KIF13B: variants seen among roughly 807,000 people sequenced by gnomAD.
KIF13B encodes kinesin-like protein KIF13B.
Under a neutral mutation model 222.0 loss-of-function variants are expected in KIF13B, and 127 were observed. That is an observed-to-expected ratio of 0.57 (90% CI 0.50 to 0.66). KIF13B has a LOEUF of 0.66. Ranked by LOEUF, KIF13B falls within the 30% of genes least tolerant of loss-of-function variation. The pLI is 0.00. For synonymous variants in KIF13B, 976 were observed against 919.0 expected (o/e 1.06, Z -1.12); for missense variants, 2,173 against 2,379.0 (o/e 0.91, Z 1.80).
At chr8:29,076,783 C>T (rs895459580) in intron 37 of KIF13B, among the ~76,000 whole-genome samples, 2 of 152,066 alleles carry the variant, frequency 1.3e-5, no homozygotes, top group African/African-American at 2.4e-5. Flanking sequence ...GGAGAGGACT[C>T]GAGAGGAAAC....
chr8:29,077,439 G>A (rs1185478190), intron 37 of KIF13B, among the ~76,000 whole-genome samples: 2 of 152,164 alleles, frequency 1.3e-5, no homozygotes, highest in East Asian at 3.8e-4. Flanking sequence ...GGTGTTCAAG[G>A]GTATATTTCA....
intron 19 of KIF13B, among the ~76,000 whole-genome samples, chr8:29,141,046 G>A (rs1810795010): frequency 6.6e-6 from 1 of 152,138 alleles, no homozygotes. Context: ...AGATAAAACT[G>A]CTGCTAATAA....
intron 2 of KIF13B, among the ~76,000 whole-genome samples, chr8:29,244,680 C>G (rs1278761509): frequency 6.6e-6 from 1 of 152,224 alleles, no homozygotes; most frequent in Non-Finnish European, 1.5e-5. Flanking sequence ...AGCTTATTTA[C>G]AGTCCTCCAT....
intron 23 of KIF13B, among the ~76,000 whole-genome samples, chr8:29,131,384 GTAGA>G (rs1181381056): frequency 6.6e-6 from 1 of 151,164 alleles, no homozygotes; most frequent in African/African-American, 2.4e-5. Context: ...TTGTCTTTTC[GTAGA>G]TAGACAAAGG....
intron 19 of KIF13B, chr8:29,140,863 C>T (rs565425715): frequency 2.7e-6 from 1 of 371,690 alleles, no homozygotes; most frequent in East Asian, 4.2e-5. Context: ...AGAGCGATCC[C>T]AGTAACAGGT....
At chr8:29,231,425 C>T (rs1434704383) in intron 2 of KIF13B, among the ~76,000 whole-genome samples, 1 of 152,138 alleles carries the variant, frequency 6.6e-6, no homozygotes, top group East Asian at 1.9e-4. Flanking sequence ...ACCCAATCCC[C>T]CAAAGAAGAG....
Position 29,249,427 on chromosome 8 carries a change from C to CT in KIF13B, c.56-3989dup, listed in dbSNP as rs200948307. Reference sequence around the variant, plus strand: ...CCTGGGCGACAGAGCAAGACTCCGTCTTTAAAAAAAAAAAAAAAAAAAAAA... The same window carrying CT: ...CCTGGGCGACAGAGCAAGACTCCGTCTTTTAAAAAAAAAAAAAAAAAAAAAA... On this transcript the variant is annotated intron_variant, in intron 1 of 39. Transcript: ENST00000524189. Among the ~76,000 whole-genome samples the CT allele has an allele frequency of 3.1e-4, 31 of 99,052 alleles. 4 individuals are homozygous for CT. In the East Asian group the frequency reaches 3.2e-3, roughly 10 times the overall value. The allele number at this position is 99,052 out of a possible 152,430, so 65.0% of individuals were successfully genotyped here.
At chr8:29,135,222 T>G (rs898160283) in intron 21 of KIF13B, among the ~76,000 whole-genome samples, 1 of 152,104 alleles carries the variant, frequency 6.6e-6, no homozygotes, top group African/African-American at 2.4e-5. Flanking sequence ...TTTTTTTATT[T>G]TTAGTAGAGA....
intron 2 of KIF13B, among the ~76,000 whole-genome samples, chr8:29,230,153 G>C (rs1333554025): frequency 6.6e-6 from 1 of 152,052 alleles, no homozygotes; most frequent in Non-Finnish European, 1.5e-5. Context: ...TCATAGAAAA[G>C]GAAACAGAGG....
chr8:29,222,563 CAG>C (rs1224177335), intron 2 of KIF13B, among the ~76,000 whole-genome samples: 1 of 95,902 alleles, frequency 1.0e-5, no homozygotes, highest in Admixed American at 1.7e-4. Context: ...TTTGTAGAGA[CAG>C]GGTGTCACTA....
In KIF13B at chr8:29,146,425, T is replaced by C; in HGVS notation, c.2140A>G (p.Lys714Glu). The change falls in exon 18 of 40, where the codon AAA becomes GAA. Residue 714 changes from lysine to glutamate, a missense_variant. Physicochemically the swap from Lys to Glu is moderately conservative, Grantham distance 56 (BLOSUM62 1). Around this residue, in one of 2 missense-constraint regions of KIF13B, gnomAD observed 1,480 missense variants for 1,722.8 expected, o/e 0.86. Transcript: ENST00000524189. ...AEELDKRTEYKVTLQIPASSL... is the reference protein window; with the variant it reads ...AEELDKRTEYEVTLQIPASSL... ...GAGGCTGGAATCTGTAGGGTAACTT[T>C]GTATTCTGTTCTTTTATCCAGCTCC... 1 of 1,613,994 alleles carries C rather than the reference T, an allele frequency of 6.2e-7. No homozygotes were observed. The highest frequency in any genetic ancestry group is 1.1e-5 in the South Asian group (1 of 91,074).
rs1812524130 is a variant in KIF13B at position 29,177,332 on chromosome 8, C to T, written c.833+134G>A. The T allele has an allele frequency of 7.7e-6, 5 of 647,220 alleles. No individual in the cohort carries two copies. In the East Asian group the frequency reaches 1.4e-4, roughly 18 times the overall value. The allele number at this position is 647,220 out of a possible 1,614,324, so 40.1% of individuals were successfully genotyped here. A position where few individuals can be genotyped will look rare whatever the true frequency, so the allele number is the denominator to read the frequency against. On this transcript the variant is annotated intron_variant, in intron 9 of 39. Transcript: ENST00000524189. Reference sequence around the variant, plus strand: ...GCCCCATCAGGCATCTCAACAAAACCTAAAATGGGCCCAGGCCCATTGAAA... The same window carrying T: ...GCCCCATCAGGCATCTCAACAAAACTTAAAATGGGCCCAGGCCCATTGAAA...
At position 29,176,088 on chromosome 8, in the gene KIF13B, C is replaced by A; in HGVS notation, c.925G>T (p.Val309Phe). ...KNKFVPYRDS[V>F]LTWLLKDSLG... Reference sequence around the variant, plus strand: ...CTTACTTTGAGCAGCCAAGTGAGAACTGAGTCACGATATGGAACAAATTTA... The same window carrying A: ...CTTACTTTGAGCAGCCAAGTGAGAAATGAGTCACGATATGGAACAAATTTA... The change falls in exon 10 of 40, where the codon GTT becomes TTT. Residue 309 changes from valine (V) to phenylalanine (F), a missense_variant. This residue lies in a region of KIF13B where 1,480 missense variants were observed against 1,722.8 expected (regional missense o/e 0.86). Transcript: ENST00000524189. 1.2e-6 allele frequency: 2 copies of A among 1,611,952 alleles called. No homozygotes were observed. The highest frequency in any genetic ancestry group is 4.5e-5 in the East Asian group (2 of 44,872).
chr8:29,263,125 G>A (rs1314881053), upstream of KIF13B: 4 of 1,276,794 alleles, frequency 3.1e-6, no homozygotes, highest in African/African-American at 6.3e-5. Context: ...GGCCGGGGGC[G>A]GAGCCGGGGG....
At chr8:29,180,381 G>T in intron 7 of KIF13B, 143 bp from the exon 8 acceptor site, 1 of 822,654 alleles carries the variant, frequency 1.2e-6, no homozygotes, top group Non-Finnish European at 2.0e-6. Context: ...AATGAATATT[G>T]AGCCCCATGG....
intron 35 of KIF13B, among the ~76,000 whole-genome samples, chr8:29,103,989 T>A (rs1808923890): frequency 6.6e-6 from 1 of 151,984 alleles, no homozygotes; most frequent in African/African-American, 2.4e-5. Flanking sequence ...CCTGAAATGG[T>A]CTCCCCCCAT....
intron 2 of KIF13B, among the ~76,000 whole-genome samples, chr8:29,197,821 G>A (rs1020417499): frequency 3.3e-5 from 5 of 152,136 alleles, no homozygotes; most frequent in African/African-American, 9.7e-5. Flanking sequence ...TCCTAAAAAC[G>A]ATGATGTTCA....
chr8:29,263,089 TC>T (rs1554628276), upstream of KIF13B: 2 of 1,492,958 alleles, frequency 1.3e-6, no homozygotes, highest in Non-Finnish European at 1.8e-6. Context: ...CACCGGCGAC[TC>T]TTCGGGGTTG....
Position 29,140,073 on chromosome 8 carries a change from A to G in KIF13B, c.2603T>C (p.Leu868Pro), listed in dbSNP as rs1000402231. 8.2e-6 allele frequency: 13 copies of G among 1,590,276 alleles called. No homozygotes were observed. In the African/African-American group the frequency reaches 1.8e-4, roughly 21 times the overall value. Residue 868 changes from leucine (L) to proline (P), a missense_variant, in exon 21 of 40, where the codon CTG becomes CCG. By Grantham distance (98) the Leu-to-Pro change is moderately conservative. Coordinates refer to ENST00000524189, the MANE Select transcript of KIF13B (RefSeq NM_015254.4). ...SFEKETQENKLVCMVKILQAT... is the reference protein window; with the variant it reads ...SFEKETQENKPVCMVKILQAT... ...GAAGCTGGGACTTACCATGCACACC[A>G]GTTTGTTCTCCTGGGTCTCCTTCTC...
Sources: gnomAD v4.1 joint callset for allele counts (sites outside exome capture counted in the v4.1 genomes callset) on GRCh38, gnomAD v4.1.1 for gene constraint, gnomAD v4.1.1 regional missense constraint, MANE v1.5 for transcripts, NCBI Gene and HGNC (gene_info 2026-07-23, HGNC 2026-07-21) for gene names.